Variants in APBB2 observed in about 807,000 individuals in gnomAD.
The protein encoded by APBB2 is Fe65-like 1.
APBB2 carries 38 observed loss-of-function variants against 82.5 expected under a neutral mutation model. The observed-to-expected ratio is 0.46, with a 90% CI of 0.36 to 0.60. APBB2 has a LOEUF of 0.60. Ranked by LOEUF, APBB2 falls within the 20% of genes least tolerant of loss-of-function variation. APBB2 has a pLI of 0.00. For missense variants in APBB2, 772 were observed against 972.3 expected (o/e 0.79, Z 2.74); for synonymous variants, 341 against 368.2 (o/e 0.93, Z 0.85).
chr4:41,165,264 T>C (rs909005894), intron 1 of APBB2, among the ~76,000 whole-genome samples: 7 of 152,140 alleles, frequency 4.6e-5, no homozygotes, highest in Non-Finnish European at 8.8e-5. Flanking sequence ...TCAAGGATGC[T>C]ACAAGGACTA....
chr4:41,127,778 C>T lies in APBB2; in HGVS notation c.-261+15209G>A, dbSNP rs1256911290. ...GGTGGATTACCTGAGGTCAGGAGTT[C>T]GAGACCAGCCTGGCCAAAAGGCCAG... On this transcript the variant is annotated intron_variant, in intron 2 of 17. Transcript: ENST00000508593. The surrounding 1 kb of genome is among the most constrained non-coding windows in gnomAD (Gnocchi z 4.8). Among the ~76,000 whole-genome samples the T allele has an allele frequency of 5.9e-5, 9 of 152,134 alleles. No individual in the cohort carries two copies. Among genetic ancestry groups the T allele is most frequent in the Admixed American group, 3.3e-4 (5 of 15,262 alleles).
At chr4:41,042,415 T>C (rs575198342) in intron 4 of APBB2, among the ~76,000 whole-genome samples, 8 of 152,366 alleles carry the variant, frequency 5.3e-5, no homozygotes, top group African/African-American at 1.9e-4. Context: ...ACTAAGTTAA[T>C]GACCCCAATC....
chr4:40,954,559 T>A lies in APBB2; in HGVS notation c.836-9486A>T, dbSNP rs557265017. On this transcript the variant is annotated intron_variant, in intron 6 of 17. Transcript: ENST00000508593. ...GTCACCTGGAGGGCTTGTGAGAACG[T>A]ACACTGCTGGGGAGCCTCGGTCACT... is the stretch of plus-strand genomic sequence containing the variant. 2.6e-5 allele frequency among the ~76,000 whole-genome samples: 4 copies of A among 152,270 alleles called. No individual in the cohort carries two copies. The South Asian group carries it at 8.3e-4, about 32-fold the overall frequency.
At chr4:41,192,828 C>T (rs189779514) in intron 1 of APBB2, among the ~76,000 whole-genome samples, 2 of 152,248 alleles carry the variant, frequency 1.3e-5, no homozygotes, top group East Asian at 3.9e-4. Flanking sequence ...TAATTTGGTT[C>T]ACTATAGTAA....
chr4:41,077,171 ATTTTTTT>A (rs368187037), intron 3 of APBB2, among the ~76,000 whole-genome samples: 35 of 129,978 alleles, frequency 2.7e-4, no homozygotes, highest in Admixed American at 6.5e-4. Flanking sequence ...CACCCAGCTA[ATTTTTTT>A]TTTTTTTTTT....
chr4:40,925,666 A>C (rs1782442947), intron 10 of APBB2, among the ~76,000 whole-genome samples: 1 of 152,190 alleles, frequency 6.6e-6, no homozygotes, highest in African/African-American at 2.4e-5. Flanking sequence ...TAAGAACTAC[A>C]TGCAGCTGTA....
intron 2 of APBB2, among the ~76,000 whole-genome samples, chr4:41,134,117 T>C (rs1384517861): frequency 1.3e-5 from 2 of 152,162 alleles, no homozygotes; most frequent in Admixed American, 1.3e-4. Context: ...TTTATAGGCA[T>C]GTGCCACCAT....
At chr4:41,132,952 C>T (rs1756481739) in intron 2 of APBB2, among the ~76,000 whole-genome samples, 1 of 151,586 alleles carries the variant, frequency 6.6e-6, no homozygotes, top group African/African-American at 2.4e-5. Context: ...AATAAGTGAA[C>T]ATAGTTAGAA....
intron 11 of APBB2, 90 bp downstream of exon 11, chr4:40,893,175 C>T (rs1772551076): frequency 1.3e-6 from 2 of 1,524,924 alleles, no homozygotes; most frequent in Admixed American, 1.8e-5. Context: ...CTCGGAGCCC[C>T]TCAGTACCAT....
chr4:41,069,752 G>A (rs1733182271), intron 3 of APBB2, among the ~76,000 whole-genome samples: 1 of 152,204 alleles, frequency 6.6e-6, no homozygotes, highest in South Asian at 2.1e-4. Context: ...CCAATTAAAT[G>A]GTGAGAACAG....
rs1764531774 is a variant in APBB2 at position 41,159,955 on chromosome 4, G to GAAGAAGA, written c.-416-16814_-416-16813insTCTTCTT. ...GGAGGAGGAGGAGGAGAAGGAGAAG[G>GAAGAAGA]AGAAGGAGAAGAAGAAGAAGAAGAA... On this transcript the variant is annotated intron_variant, in intron 1 of 17. Transcript: ENST00000508593. Among the ~76,000 whole-genome samples the GAAGAAGA allele has an allele frequency of 1.5e-3, 71 of 48,764 alleles. 2 individuals carry two copies. Among genetic ancestry groups the GAAGAAGA allele is most frequent in the African/African-American group, 3.5e-3 (39 of 11,228 alleles). 32.0% of individuals were successfully genotyped at this position (48,764 alleles called of 152,430 possible).
rs140917050 is a variant in APBB2 at position 41,006,577 on chromosome 4, C to T, written c.835+7006G>A. 4.9e-3 allele frequency among the ~76,000 whole-genome samples: 743 copies of T among 152,196 alleles called. 3 individuals are homozygous for T. Among genetic ancestry groups the T allele is most frequent in the South Asian group, 0.011 (53 of 4,822 alleles). ...CTCCTGGGTTCAAGCGATTCTCTTG[C>T]CTCAGCCTCCCAAGTAAATGGGATT... On this transcript the variant is annotated intron_variant, in intron 6 of 17. Transcript: ENST00000508593.
At chr4:40,962,705 AGAG>A (rs1390391747) in intron 6 of APBB2, among the ~76,000 whole-genome samples, 5 of 151,650 alleles carry the variant, frequency 3.3e-5, no homozygotes, top group African/African-American at 1.2e-4. Context: ...TGAATGGGAA[AGAG>A]GAGGACAAAG....
rs139722591 is a variant in APBB2, at chr4:40,964,241, T to C, written c.836-19168A>G. On this transcript the variant is annotated intron_variant, in intron 6 of 17. Coordinates refer to ENST00000508593, the MANE Select transcript of APBB2 (RefSeq NM_004307.2). ...TGGCCCAGATTTCAACTGGTCACCC[T>C]GGAAAAGCTTGACCCTCTTTTGTGG... Among the ~76,000 whole-genome samples, 778 of 152,270 alleles carry C rather than the reference T, an allele frequency of 5.1e-3. 6 individuals carry two copies. The highest frequency in any genetic ancestry group is 0.017 in the African/African-American group (725 of 41,562).
chr4:40,936,286 C>G (rs1023530385), intron 7 of APBB2, among the ~76,000 whole-genome samples: 6 of 152,218 alleles, frequency 3.9e-5, no homozygotes, highest in Admixed American at 2.6e-4. Flanking sequence ...GGGTCTCACT[C>G]TGTCACCCAG....
At chr4:40,947,698 A>G (rs2154382074) in intron 6 of APBB2, among the ~76,000 whole-genome samples, 1 of 152,364 alleles carries the variant, frequency 6.6e-6, no homozygotes, top group Middle Eastern at 3.4e-3. Flanking sequence ...CTACGGTATT[A>G]TTAATAGGTC....
chr4:41,034,272 CT>C (rs1388948566), intron 4 of APBB2, among the ~76,000 whole-genome samples: 1 of 151,856 alleles, frequency 6.6e-6, no homozygotes, highest in African/African-American at 2.4e-5. Flanking sequence ...AAGTACCATG[CT>C]GCCCTTAGGA....
chr4:41,059,716 T>C (rs1026041835), intron 4 of APBB2, among the ~76,000 whole-genome samples: 30 of 152,258 alleles, frequency 2.0e-4, no homozygotes, highest in Non-Finnish European at 2.9e-5. Flanking sequence ...TTATTATTTA[T>C]AGAAACAATG....
intron 4 of APBB2, among the ~76,000 whole-genome samples, chr4:41,063,183 A>G (rs1579686833): frequency 6.6e-6 from 1 of 152,252 alleles, no homozygotes; most frequent in East Asian, 1.9e-4. Flanking sequence ...ATGCCCTTCA[A>G]CTTTCTTCTA....
Sources: gnomAD v4.1 joint callset for allele counts (sites outside exome capture counted in the v4.1 genomes callset) on GRCh38, gnomAD v4.1.1 for gene constraint, Gnocchi (gnomAD v3.1) non-coding constraint, MANE v1.5 for transcripts, NCBI Gene and HGNC (gene_info 2026-07-23, HGNC 2026-07-21) for gene names.